SPATS1: variants seen among roughly 807,000 people sequenced by gnomAD.
The protein encoded by SPATS1 is spermatogenesis-associated serine-rich protein 1.
In SPATS1, 23 loss-of-function variants were observed where a neutral mutation model predicts 33.6. The observed-to-expected ratio is 0.68, with a 90% CI of 0.49 to 0.97. SPATS1 has a LOEUF of 0.97. Ranked by LOEUF, SPATS1 falls within the 50% of genes least tolerant of loss-of-function variation. The probability of loss-of-function intolerance (pLI) is 0.00; values close to 1 mark genes in which losing one functional copy is unlikely to be tolerated. For missense variants in SPATS1, 327 were observed against 361.0 expected (o/e 0.91, Z 0.76); for synonymous variants, 131 against 125.6 (o/e 1.04, Z -0.29).
At chr6:44,363,784 TA>T (rs1217443483) in intron 5 of SPATS1, among the ~76,000 whole-genome samples, 1 of 152,090 alleles carries the variant, frequency 6.6e-6, no homozygotes, top group Non-Finnish European at 1.5e-5. Context: ...TAGGGTTTTA[TA>T]AATACTGAGT....
At chr6:44,369,973 C>G in intron 6 of SPATS1, 78 bp from the exon 7 acceptor site, 1 of 948,554 alleles carries the variant, frequency 1.1e-6, no homozygotes, top group Non-Finnish European at 1.6e-6. Context: ...ACAGGACATT[C>G]TATTGAATAC....
rs557445605 is a variant in SPATS1, at chr6:44,361,749, G to C, written c.413-82G>C. On this transcript the variant is annotated intron_variant, in intron 4 of 8. Coordinates refer to ENST00000674044, the MANE Select transcript of SPATS1 (RefSeq NM_001372081.1). ...AGTTATATAGCCAGATAGTGCCTGT[G>C]GAGTTTTCACAGCTTTTTGTCATCC... is the stretch of plus-strand genomic sequence containing the variant. 4,097 of 1,561,844 alleles carry C rather than the reference G, an allele frequency of 2.6e-3. 15 individuals carry two copies. Among genetic ancestry groups the C allele is most frequent in the Non-Finnish European group, 2.7e-3 (3,057 of 1,134,698 alleles).
intron 2 of SPATS1, among the ~76,000 whole-genome samples, chr6:44,345,988 C>A (rs1366496046): frequency 6.6e-6 from 1 of 152,082 alleles, no homozygotes; most frequent in Non-Finnish European, 1.5e-5. Flanking sequence ...AAATTCGGTT[C>A]TTCAATTATT....
At chr6:44,352,318 G>A (rs1321335854) in intron 2 of SPATS1, among the ~76,000 whole-genome samples, 1 of 151,824 alleles carries the variant, frequency 6.6e-6, no homozygotes, top group East Asian at 1.9e-4. Flanking sequence ...TTGTAGAGAC[G>A]GGGTTTCACC....
intron 2 of SPATS1, chr6:44,343,497 A>G (rs1368153612): frequency 3.6e-6 from 2 of 562,240 alleles, no homozygotes. Context: ...CCTATGAGTA[A>G]AGGGAGCCAG....
rs886317308 is a variant in SPATS1 at position 44,379,365 on chromosome 6, C to T, written c.*2302C>T. 1.3e-4 allele frequency among the ~76,000 whole-genome samples: 19 copies of T among 151,930 alleles called. No individual in the cohort carries two copies. Among genetic ancestry groups the T allele is most frequent in the South Asian group, 2.1e-4 (1 of 4,810 alleles). Reference sequence around the variant, plus strand: ...CAGCACTTTGGGAGGCCGAGGCAGGCGGATCACGAGGTCAGGAGATCGAGA... The same window carrying T: ...CAGCACTTTGGGAGGCCGAGGCAGGTGGATCACGAGGTCAGGAGATCGAGA... On this transcript the variant is annotated 3_prime_UTR_variant, in exon 9 of 9. Transcript: ENST00000674044.
intron 7 of SPATS1, 138 bp downstream of exon 7, chr6:44,370,251 TGTAAGGAAGGTG>T (rs1789521715): frequency 1.4e-6 from 1 of 703,222 alleles, no homozygotes; most frequent in South Asian, 1.9e-5. Context: ...TGGGGCAGTT[TGTAAGGAAGGTG>T]TTTGGATAGA....
intron 7 of SPATS1, among the ~76,000 whole-genome samples, 167 bp downstream of exon 7, chr6:44,370,280 G>T (rs933617555): frequency 2.0e-5 from 3 of 152,168 alleles, no homozygotes; most frequent in Non-Finnish European, 2.9e-5. Flanking sequence ...TAGACATTCT[G>T]TAGAGTCTGC....
intron 7 of SPATS1, among the ~76,000 whole-genome samples, chr6:44,375,895 C>T (rs1421732469): frequency 6.6e-6 from 1 of 151,820 alleles, no homozygotes; most frequent in Non-Finnish European, 1.5e-5. Flanking sequence ...CACCTTAGGT[C>T]GGAAATTCGA....
intron 5 of SPATS1, 54 bp from the exon 6 acceptor site, chr6:44,368,325 T>A: frequency 6.3e-7 from 1 of 1,582,822 alleles, no homozygotes; most frequent in East Asian, 2.2e-5. Flanking sequence ...TTACAGCAAA[T>A]CTGTGGATCA....
At chr6:44,357,194 T>C (rs1788642264) in intron 3 of SPATS1, among the ~76,000 whole-genome samples, 1 of 152,160 alleles carries the variant, frequency 6.6e-6, no homozygotes, top group Admixed American at 6.5e-5. Context: ...ATTTCCCTGA[T>C]GTTTCTTCCT....
intron 5 of SPATS1, among the ~76,000 whole-genome samples, chr6:44,366,274 G>C (rs900041658): frequency 2.6e-5 from 4 of 151,942 alleles, no homozygotes; most frequent in Admixed American, 6.6e-5. Context: ...ACAGGCATGT[G>C]CCACCATGCC....
chr6:44,369,386 C>T (rs1789458711), intron 6 of SPATS1, among the ~76,000 whole-genome samples: 1 of 151,782 alleles, frequency 6.6e-6, no homozygotes, highest in Non-Finnish European at 1.5e-5. Flanking sequence ...CCCGTGTCTA[C>T]TAAAAATACA....
chr6:44,346,109 C>CA (rs1787864221), intron 2 of SPATS1, among the ~76,000 whole-genome samples: 1 of 151,756 alleles, frequency 6.6e-6, no homozygotes, highest in South Asian at 2.1e-4. Context: ...GGTGAGACCC[C>CA]ATCTCTACAA....
chr6:44,370,796 C>G (rs1255181917), intron 7 of SPATS1, among the ~76,000 whole-genome samples: 2 of 152,030 alleles, frequency 1.3e-5, no homozygotes, highest in African/African-American at 4.8e-5. Context: ...ACGATTAGGG[C>G]TTCTCATGTC....
At chr6:44,354,447 TA>T (rs1488335407) in intron 3 of SPATS1, among the ~76,000 whole-genome samples, 4 of 149,616 alleles carry the variant, frequency 2.7e-5, no homozygotes, top group East Asian at 1.9e-4. Flanking sequence ...CAAGTAAACA[TA>T]TTTTTTGCAC....
intron 7 of SPATS1, among the ~76,000 whole-genome samples, chr6:44,372,044 A>G (rs966861464): frequency 1.3e-5 from 2 of 151,892 alleles, no homozygotes; most frequent in East Asian, 3.9e-4. Context: ...GATTGAGGTC[A>G]AGAGATCAAG....
intron 3 of SPATS1, among the ~76,000 whole-genome samples, chr6:44,355,679 A>C (rs779502736): frequency 6.6e-6 from 1 of 152,232 alleles, no homozygotes; most frequent in Non-Finnish European, 1.5e-5. Context: ...GTTAAAGTTA[A>C]GGGAAGTTGC....
intron 6 of SPATS1, among the ~76,000 whole-genome samples, chr6:44,369,350 G>A (rs112669853): frequency 0.013 from 1,918 of 151,902 alleles, 33 homozygotes; most frequent in African/African-American, 0.044. Flanking sequence ...AGGAGTTCAA[G>A]ACCAGCCTGG....
Sources: allele counts gnomAD v4.1 joint callset (sites outside exome capture counted in the v4.1 genomes callset), GRCh38; gene constraint gnomAD v4.1.1; transcripts MANE v1.5; gene names NCBI Gene and HGNC (gene_info 2026-07-23, HGNC 2026-07-21).